PPAN: variants seen among roughly 807,000 people sequenced by gnomAD.
PPAN encodes suppressor of SWI4 1 homolog.
PPAN carries 39 observed loss-of-function variants against 48.5 expected under a neutral mutation model. The observed-to-expected ratio is 0.80, with a 90% confidence interval of 0.62 to 1.05. PPAN has a LOEUF of 1.05. PPAN is among the 50% of genes least tolerant of loss of function. PPAN has a pLI of 0.00. For synonymous variants in PPAN, 315 were observed against 268.6 expected, an observed-to-expected ratio of 1.17 and a Z score of -1.69; for missense variants, 736 against 661.7, an observed-to-expected ratio of 1.11 and a Z score of -1.23.
chr19:10,107,436 A>T, intron 2 of PPAN, 69 bp from the exon 3 acceptor site: 1 of 1,536,838 alleles, frequency 6.5e-7, no homozygotes, highest in African/African-American at 1.4e-5. Context: ...CAGGATCTGC[A>T]CCGTCAGCTT....
chr19:10,110,318 C>T lies in PPAN; in HGVS notation c.823-6C>T, dbSNP rs1568485565. On this transcript the variant is annotated splice_region_variant and splice_polypyrimidine_tract_variant and intron_variant, in intron 8 of 11. Transcript: ENST00000253107. The surrounding 1 kb of genome is among the most constrained non-coding windows in gnomAD (Gnocchi z 5.9). ...GTGGGCTGACGCTTCTTCCTCGTCC[C>T]CTCAGATCGGCCCGCGGATGACACT... is the stretch of plus-strand genomic sequence containing the variant. 6.2e-7 allele frequency: 1 copy of T among 1,613,784 alleles called. No individual in the cohort carries two copies. Among genetic ancestry groups the T allele is most frequent in the East Asian group, 2.2e-5 (1 of 44,868 alleles).
At chr19:10,109,874 C>T in intron 6 of PPAN, 39 bp from the exon 7 acceptor site, 2 of 1,610,566 alleles carry the variant, frequency 1.2e-6, no homozygotes, top group Non-Finnish European at 1.7e-6. Flanking sequence ...ATCACGTGCC[C>T]CCTGACCACC....
rs763153740 is a variant in PPAN at position 10,110,314 on chromosome 19, G to T, written c.823-10G>T. On this transcript the variant is annotated splice_polypyrimidine_tract_variant and intron_variant, in intron 8 of 11. Coordinates refer to ENST00000253107, the MANE Select transcript of PPAN (RefSeq NM_020230.7). The surrounding 1 kb of genome is among the most constrained non-coding windows in gnomAD (Gnocchi z 5.9). ...AACGGTGGGCTGACGCTTCTTCCTC[G>T]TCCCCTCAGATCGGCCCGCGGATGA... 2 of 1,613,676 alleles carry T rather than the reference G, an allele frequency of 1.2e-6. No homozygotes were observed. The highest frequency in any genetic ancestry group is 1.7e-6 in the Non-Finnish European group (2 of 1,179,946).
chr19:10,107,878 A>G (rs2145200539), intron 4 of PPAN, 24 bp downstream of exon 4: 1 of 1,610,992 alleles, frequency 6.2e-7, no homozygotes. Flanking sequence ...AGGTGGTACA[A>G]AGCCATGTGG....
Position 10,110,736 on chromosome 19 carries a change from G to A in PPAN, c.1071G>A (p.Gly357=), listed in dbSNP as rs1424196637. Residue 357 remains glycine (G), a synonymous_variant, in exon 11 of 12, where the codon GGG becomes GGA. Transcript: ENST00000253107. The surrounding 1 kb of genome is among the most constrained non-coding windows in gnomAD (Gnocchi z 5.9). ...SLEGMKKARV[G]GSDEEASGIP... Reference sequence around the variant, plus strand: ...AGGGCATGAAGAAGGCACGGGTCGGGGGTAGTGATGAAGAGGCCTCTGGGA... The same window carrying A: ...AGGGCATGAAGAAGGCACGGGTCGGAGGTAGTGATGAAGAGGCCTCTGGGA... 1.9e-6 allele frequency: 3 copies of A among 1,613,964 alleles called. No individual in the cohort carries two copies. Among genetic ancestry groups the A allele is most frequent in the East Asian group, 2.2e-5 (1 of 44,866 alleles).
intron 5 of PPAN, among the ~76,000 whole-genome samples, chr19:10,108,443 C>T (rs2088918844): frequency 6.6e-6 from 1 of 152,008 alleles, no homozygotes; most frequent in Non-Finnish European, 1.5e-5. Flanking sequence ...TTCTTAGGGC[C>T]CTGTTTTACA....
chr19:10,108,751 CAAAAA>C (rs565271742), intron 5 of PPAN, among the ~76,000 whole-genome samples: 1 of 88,442 alleles, frequency 1.1e-5, no homozygotes, highest in African/African-American at 4.0e-5. Flanking sequence ...GACACTGTCT[CAAAAA>C]AAAAAAAAAA....
rs2089083419 is a variant in PPAN at position 10,111,706 on chromosome 19, G to A, written c.*541G>A. ...GAACTGGGTAGCAGACACAGGCTGA[G>A]GATCGGCACGGGAGCATGGCAGCCA... On this transcript the variant is annotated 3_prime_UTR_variant, in exon 12 of 12. Coordinates refer to ENST00000253107, the MANE Select transcript of PPAN (RefSeq NM_020230.7). 11 of 1,613,696 alleles carry A rather than the reference G, an allele frequency of 6.8e-6. No homozygotes were observed. Among genetic ancestry groups the A allele is most frequent in the South Asian group, 1.1e-5 (1 of 91,064 alleles).
In PPAN at chr19:10,108,104, G is replaced by C; in HGVS notation, c.483G>C (p.Gln161His). ...MHVKLMATMF[Q>H]NLFPSINVHK... Reference sequence around the variant, plus strand: ...TGAAGCTCATGGCCACCATGTTCCAGAACCTGTTCCCCTCCATCAACGTGC... The same window carrying C: ...TGAAGCTCATGGCCACCATGTTCCACAACCTGTTCCCCTCCATCAACGTGC... The change falls in exon 5 of 12, where the codon CAG becomes CAC. Residue 161 changes from glutamine to histidine, a missense_variant. By Grantham distance (24) the Gln-to-His change is conservative. Coordinates refer to ENST00000253107, the MANE Select transcript of PPAN (RefSeq NM_020230.7). 1 of 1,613,402 alleles carries C rather than the reference G, an allele frequency of 6.2e-7. No homozygotes were observed. Among genetic ancestry groups the C allele is most frequent in the Non-Finnish European group, 8.5e-7 (1 of 1,179,576 alleles).
chr19:10,108,751 C>CAAAAAAAAAA (rs565271742), intron 5 of PPAN, among the ~76,000 whole-genome samples: 1 of 88,446 alleles, frequency 1.1e-5, no homozygotes. Context: ...GACACTGTCT[C>CAAAAAAAAAA]AAAAAAAAAA....
In PPAN at chr19:10,106,660, A is replaced by C; in HGVS notation, c.178A>C (p.Ser60Arg). 6.5e-7 allele frequency: 1 copy of C among 1,537,362 alleles called. No homozygotes were observed. Among genetic ancestry groups the C allele is most frequent in the Non-Finnish European group, 8.8e-7 (1 of 1,140,016 alleles). The change falls in exon 2 of 12, where the codon AGC becomes CGC. Residue 60 changes from serine to arginine, a missense_variant. Physicochemically the swap from Ser to Arg is moderately radical, Grantham distance 110 (BLOSUM62 -1). Coordinates refer to ENST00000253107, the MANE Select transcript of PPAN (RefSeq NM_020230.7). ...VRRVMEPLTA[S>R]RLQVRKKNSL... ...GCGGGTCATGGAGCCGCTCACTGCC[A>C]GCCGTCTGCAGGTTTGTACCCCACC...
In PPAN at chr19:10,111,186, G is replaced by T; in HGVS notation, c.*21G>T. ...CCTGAGCCCAAGCCGCACCGGAGCAGCGGCTGGATTGAACGCCCCAGATTG... is the reference window on the plus strand; with the variant it reads ...CCTGAGCCCAAGCCGCACCGGAGCATCGGCTGGATTGAACGCCCCAGATTG... On this transcript the variant is annotated 3_prime_UTR_variant, in exon 12 of 12. Coordinates refer to ENST00000253107, the MANE Select transcript of PPAN (RefSeq NM_020230.7). The T allele has an allele frequency of 1.3e-6, 2 of 1,540,538 alleles. No individual in the cohort carries two copies. Among genetic ancestry groups the T allele is most frequent in the Non-Finnish European group, 1.7e-6 (2 of 1,145,958 alleles).
In PPAN at chr19:10,107,733, G is replaced by C. The variant is rs184113513; in HGVS notation, c.292-71G>C. ...AAGTAAACGCTCTGAAGAAGAGATGGGGCAAAGGTGCCTACTCCGGGCACC... is the reference window on the plus strand; with the variant it reads ...AAGTAAACGCTCTGAAGAAGAGATGCGGCAAAGGTGCCTACTCCGGGCACC... On this transcript the variant is annotated intron_variant, in intron 3 of 11. Transcript: ENST00000253107. The C allele has an allele frequency of 5.5e-4, 886 of 1,611,624 alleles. 6 individuals are homozygous for C. In the African/African-American group the frequency reaches 0.011, roughly 20 times the overall value.
At position 10,110,516 on chromosome 19, in the gene PPAN, C is replaced by T. The variant is rs777548009; in HGVS notation, c.933C>T (p.Ile311=). The change falls in exon 10 of 12, where the codon ATC becomes ATT. Residue 311 remains isoleucine, a synonymous_variant. Transcript: ENST00000253107. The surrounding 1 kb of genome is among the most constrained non-coding windows in gnomAD (Gnocchi z 5.9). ...AGACGGAGGAGGAGCTGCAGGCCAT[C>T]CTGGAAGCCAAGGAGAAGAAGCTGC... ...VSKTEEELQA[I]LEAKEKKLRL... is the part of the protein sequence containing the mutation. The T allele has an allele frequency of 1.4e-5, 22 of 1,612,346 alleles. No individual in the cohort carries two copies. The Admixed American group carries it at 3.0e-4, about 22-fold the overall frequency.
chr19:10,111,405 G>A lies in PPAN; in HGVS notation c.*240G>A. ...GTCCCTCCCACCTGGTTTCTTCCTGGAAGCTGGGTCTCTCCCCTACCCTGC... is the reference window on the plus strand; with the variant it reads ...GTCCCTCCCACCTGGTTTCTTCCTGAAAGCTGGGTCTCTCCCCTACCCTGC... On this transcript the variant is annotated 3_prime_UTR_variant, in exon 12 of 12. Coordinates refer to ENST00000253107, the MANE Select transcript of PPAN (RefSeq NM_020230.7). 1 of 646,268 alleles carries A rather than the reference G, an allele frequency of 1.5e-6. No homozygotes were observed. The highest frequency in any genetic ancestry group is 2.6e-6 in the Non-Finnish European group (1 of 380,748). 40.0% of individuals were successfully genotyped at this position (646,268 alleles called of 1,614,324 possible). A position where few individuals can be genotyped will look rare whatever the true frequency, so the allele number is the denominator to read the frequency against.
rs2088826680 is a variant in PPAN, at chr19:10,106,515, G to GCGCGCC, written c.41_46dup (p.Arg14_Ala15dup). The GCGCGCC allele has an allele frequency of 6.4e-7, 1 of 1,551,960 alleles. No individual in the cohort carries two copies. The highest frequency in any genetic ancestry group is 1.4e-5 in the African/African-American group (1 of 73,130). On this transcript the variant is annotated inframe_insertion, in exon 2 of 12. Coordinates refer to ENST00000253107, the MANE Select transcript of PPAN (RefSeq NM_020230.7). ...CGTCGCCGCAGTCCCGGCACCAGAA[G>GCGCGCC]CGCGCCCGCGCCCAGGCGCAGCTCC... is the stretch of plus-strand genomic sequence containing the variant.
intron 2 of PPAN, chr19:10,106,992 G>C (rs1019299377): frequency 1.6e-6 from 1 of 629,702 alleles, no homozygotes; most frequent in Non-Finnish European, 2.9e-6. Context: ...TTCGAGACCA[G>C]CCTGAGCAGC....
Position 10,111,821 on chromosome 19 carries a change from T to C in PPAN, c.*656T>C. On this transcript the variant is annotated 3_prime_UTR_variant, in exon 12 of 12. Transcript: ENST00000253107. The stretch of plus-strand genomic sequence containing the variant: ...GGGTAGTGGGTATTGGTAAAACACC[T>C]AGGTCTGGGGCTGGGCACGGTGGCT... 2 of 1,534,394 alleles carry C rather than the reference T, an allele frequency of 1.3e-6. No homozygotes were observed. Among genetic ancestry groups the C allele is most frequent in the East Asian group, 2.3e-5 (1 of 43,954 alleles).
intron 5 of PPAN, 113 bp from the exon 6 acceptor site, chr19:10,109,518 G>C: frequency 8.0e-7 from 1 of 1,256,036 alleles, no homozygotes; most frequent in Non-Finnish European, 1.1e-6. Flanking sequence ...GCTGGAAGCA[G>C]CATTTCTAGC....
Sources: allele counts gnomAD v4.1 joint callset (sites outside exome capture counted in the v4.1 genomes callset), GRCh38; gene constraint gnomAD v4.1.1; non-coding constraint Gnocchi (gnomAD v3.1); transcripts MANE v1.5; gene names NCBI Gene and HGNC (gene_info 2026-07-23, HGNC 2026-07-21).